DTNBP1: variants seen among roughly 807,000 people sequenced by gnomAD.
DTNBP1 encodes dysbindin.
Under a neutral mutation model 42.8 loss-of-function variants are expected in DTNBP1, and 35 were observed. The ratio of observed to expected loss-of-function variants is 0.82; its 90% CI spans 0.63 to 1.09. The LOEUF (loss-of-function observed/expected upper bound fraction) is 1.09, where lower values mean the gene tolerates loss of function less well. DTNBP1 is among the 50% of genes least tolerant of loss of function. The pLI is 0.00. For synonymous variants in DTNBP1, 171 were observed against 162.2 expected (o/e 1.05, Z -0.41); for missense variants, 457 against 424.2 (o/e 1.08, Z -0.68).
rs1334934316 is a variant in DTNBP1 at position 15,651,356 on chromosome 6, G to T, written c.118C>A (p.Pro40Thr). 6.2e-7 allele frequency: 1 copy of T among 1,610,126 alleles called. No homozygotes were observed. Among genetic ancestry groups the T allele is most frequent in the South Asian group, 1.1e-5 (1 of 90,904 alleles). Residue 40 changes from proline (P) to threonine (T), a missense_variant, in exon 3 of 10, where the codon CCA becomes ACA. Pro to Thr is a conservative substitution (Grantham distance 38). Transcript: ENST00000344537. The part of the protein sequence containing the change: ...AKVKSKPRTV[P>T]FLPKYSAGLE... ...CCAGCAGAGTACTTTGGCAAAAATGGAACAGTCCTGCCCAAAAGAAACACT... is the reference window on the plus strand; with the variant it reads ...CCAGCAGAGTACTTTGGCAAAAATGTAACAGTCCTGCCCAAAAGAAACACT...
chr6:15,549,480 G>A (rs1468402220), intron 7 of DTNBP1, among the ~76,000 whole-genome samples: 1 of 123,604 alleles, frequency 8.1e-6, no homozygotes, highest in Non-Finnish European at 1.6e-5. Context: ...GCAAGACTTT[G>A]TCTCAGGGAT....
chr6:15,565,758 T>C (rs1775043806), intron 7 of DTNBP1, among the ~76,000 whole-genome samples: 1 of 152,194 alleles, frequency 6.6e-6, no homozygotes, highest in African/African-American at 2.4e-5. Context: ...TGGATTATGG[T>C]GATGAGAGCA....
At position 15,587,438 on chromosome 6, in the gene DTNBP1, A is replaced by G. The variant is rs755554305; in HGVS notation, c.511+5621T>C. Among the ~76,000 whole-genome samples the G allele has an allele frequency of 1.4e-4, 21 of 152,248 alleles. No homozygotes were observed. The highest frequency in any genetic ancestry group is 2.4e-4 in the Non-Finnish European group (16 of 68,052). ...TTATATGAAAAGACGAAGGACCTTA[A>G]ATATTAAATAGTCAAACCAATTTTA... On this transcript the variant is annotated intron_variant, in intron 7 of 9. Coordinates refer to ENST00000344537, the MANE Select transcript of DTNBP1 (RefSeq NM_032122.5). The surrounding 1 kb of genome is among the most constrained non-coding windows in gnomAD (Gnocchi z 4.1).
At chr6:15,610,686 T>C (rs964742687) in intron 6 of DTNBP1, among the ~76,000 whole-genome samples, 3 of 152,234 alleles carry the variant, frequency 2.0e-5, no homozygotes, top group Non-Finnish European at 4.4e-5. Flanking sequence ...ACCCACCGTA[T>C]TGCTTATATG....
chr6:15,648,882 A>C (rs1047442474), intron 3 of DTNBP1, among the ~76,000 whole-genome samples: 2 of 152,118 alleles, frequency 1.3e-5, no homozygotes, highest in African/African-American at 4.8e-5. Flanking sequence ...AATACATCTT[A>C]AAATTCATAT....
At chr6:15,660,310 T>G (rs1366153129) in intron 1 of DTNBP1, 3 of 1,264,012 alleles carry the variant, frequency 2.4e-6, no homozygotes, top group Non-Finnish European at 3.1e-6. Context: ...TAATCAGTTA[T>G]GTAAAGGAGG....
At chr6:15,640,456 C>CA (rs1462055557) in intron 3 of DTNBP1, among the ~76,000 whole-genome samples, 2 of 152,128 alleles carry the variant, frequency 1.3e-5, no homozygotes, top group Admixed American at 6.5e-5. Flanking sequence ...TTCTTGCATT[C>CA]AAATCGTTAT....
chr6:15,591,910 A>AAAAG (rs1161537430), intron 7 of DTNBP1, among the ~76,000 whole-genome samples: 1 of 151,496 alleles, frequency 6.6e-6, no homozygotes, highest in Admixed American at 6.8e-5. Flanking sequence ...ACTGATTGAA[A>AAAAG]AAAGAATGTA....
intron 7 of DTNBP1, among the ~76,000 whole-genome samples, chr6:15,558,744 A>C (rs957164354): frequency 2.0e-5 from 3 of 152,228 alleles, no homozygotes; most frequent in Non-Finnish European, 4.4e-5. Context: ...TTCTACTTAA[A>C]ATGTTGCCCA....
At chr6:15,549,491 T>TAAA (rs1171397685) in intron 7 of DTNBP1, among the ~76,000 whole-genome samples, 5 of 77,952 alleles carry the variant, frequency 6.4e-5, no homozygotes, top group Admixed American at 1.4e-4. Flanking sequence ...TCTCAGGGAT[T>TAAA]AAAAAAAAAA....
At chr6:15,586,063 G>T in intron 7 of DTNBP1, 1 of 1,130,352 alleles carries the variant, frequency 8.8e-7, no homozygotes, top group Non-Finnish European at 1.1e-6. Context: ...TCAAAATGGA[G>T]GGGAGGGAAG....
intron 6 of DTNBP1, among the ~76,000 whole-genome samples, chr6:15,602,179 A>G (rs569761675): frequency 1.3e-5 from 2 of 152,304 alleles, no homozygotes; most frequent in Admixed American, 1.3e-4. Flanking sequence ...AGCCAGAATG[A>G]AAGACTAGTA....
At position 15,530,115 on chromosome 6, in the gene DTNBP1, G is replaced by A. The variant is rs528463943; in HGVS notation, c.667+3125C>T. ...AAGTGAAATTCCAACTGCTATTTCTGATTTAGTGGAATGAGTCCAAAACAC... is the reference window on the plus strand; with the variant it reads ...AAGTGAAATTCCAACTGCTATTTCTAATTTAGTGGAATGAGTCCAAAACAC... On this transcript the variant is annotated intron_variant, in intron 8 of 9. Coordinates refer to ENST00000344537, the MANE Select transcript of DTNBP1 (RefSeq NM_032122.5). 5.2e-5 allele frequency among the ~76,000 whole-genome samples: 8 copies of A among 152,386 alleles called. No individual in the cohort carries two copies. In the East Asian group the frequency reaches 1.2e-3, roughly 22 times the overall value.
At chr6:15,620,853 G>A (rs575007985) in intron 5 of DTNBP1, among the ~76,000 whole-genome samples, 18 of 152,236 alleles carry the variant, frequency 1.2e-4, no homozygotes, top group African/African-American at 4.1e-4. Context: ...GTGATACCTC[G>A]TCTGTGAAGA....
chr6:15,611,477 G>A (rs1327397399), intron 6 of DTNBP1, among the ~76,000 whole-genome samples: 2 of 152,190 alleles, frequency 1.3e-5, no homozygotes, highest in Non-Finnish European at 2.9e-5. Context: ...GGAATAAGGA[G>A]TCATTTCAAC....
At chr6:15,608,461 A>G (rs1480299403) in intron 6 of DTNBP1, among the ~76,000 whole-genome samples, 3 of 152,210 alleles carry the variant, frequency 2.0e-5, no homozygotes, top group Non-Finnish European at 4.4e-5. Flanking sequence ...AATTCTCCAG[A>G]AGGCCTTCCT....
chr6:15,628,605 C>T (rs188993895), intron 4 of DTNBP1, among the ~76,000 whole-genome samples: 1 of 151,932 alleles, frequency 6.6e-6, no homozygotes, highest in Admixed American at 6.6e-5. Context: ...CAGGGTTTCA[C>T]CAAGTTGGCC....
At chr6:15,622,028 T>C (rs1421408846) in intron 5 of DTNBP1, among the ~76,000 whole-genome samples, 1 of 152,224 alleles carries the variant, frequency 6.6e-6, no homozygotes, top group Non-Finnish European at 1.5e-5. Flanking sequence ...GTGCAGACTG[T>C]ATTTTTGCTT....
chr6:15,555,727 T>C (rs1581315009), intron 7 of DTNBP1, among the ~76,000 whole-genome samples: 1 of 152,310 alleles, frequency 6.6e-6, no homozygotes, highest in Middle Eastern at 3.4e-3. Context: ...TCATAAATAG[T>C]CTACCCCTTG....
Sources: gnomAD v4.1 joint callset for allele counts (sites outside exome capture counted in the v4.1 genomes callset) on GRCh38, gnomAD v4.1.1 for gene constraint, Gnocchi (gnomAD v3.1) non-coding constraint, MANE v1.5 for transcripts, NCBI Gene and HGNC (gene_info 2026-07-23, HGNC 2026-07-21) for gene names.